TSPEAR: variants seen among roughly 807,000 people sequenced by gnomAD.
The protein encoded by TSPEAR is thrombospondin type laminin G domain and EAR repeats.
A neutral mutation model predicts 71.6 loss-of-function variants in TSPEAR; 69 were observed. That is an observed-to-expected ratio of 0.96 (90% CI 0.79 to 1.18). The LOEUF is 1.18. Ranked by LOEUF, TSPEAR falls within the 50% of genes most tolerant of loss-of-function variation. TSPEAR has a pLI of 0.00. For missense variants in TSPEAR, 971 were observed against 894.9 expected (o/e 1.09, Z -1.09); for synonymous variants, 402 against 387.2 (o/e 1.04, Z -0.45).
In TSPEAR at chr21:44,558,395, T is replaced by G. The variant is rs587713314; in HGVS notation, c.303+9390A>C. ...TGCAGCAGACGGGCACACAGCAGAC[T>G]GGCTTGCAGCAGACAGGCACGCAGC... On this transcript the variant is annotated intron_variant, in intron 2 of 11. Coordinates refer to ENST00000323084, the MANE Select transcript of TSPEAR (RefSeq NM_144991.3). 3.8e-5 allele frequency: 61 copies of G among 1,610,680 alleles called. No individual in the cohort carries two copies. In the East Asian group the frequency reaches 1.3e-3, roughly 35 times the overall value.
chr21:44,698,196 C>T (rs1395687231), intron 1 of TSPEAR, among the ~76,000 whole-genome samples: 4 of 152,158 alleles, frequency 2.6e-5, no homozygotes, highest in Non-Finnish European at 4.4e-5. Flanking sequence ...GGTCTCGCCT[C>T]CTTGGAAGCT....
At chr21:44,597,432 C>CTTTCTT (rs1980437877) in intron 1 of TSPEAR, among the ~76,000 whole-genome samples, 2 of 130,624 alleles carry the variant, frequency 1.5e-5, no homozygotes, top group African/African-American at 6.5e-5. Context: ...TTCTTTCTTT[C>CTTTCTT]TTTTCTTTTT....
chr21:44,571,257 C>T (rs868951264), intron 1 of TSPEAR, among the ~76,000 whole-genome samples: 8 of 152,284 alleles, frequency 5.3e-5, no homozygotes, highest in Middle Eastern at 6.8e-3. Context: ...GCTATGTTGC[C>T]CAGGCTGATC....
chr21:44,637,880 G>T (rs587625812), intron 1 of TSPEAR: 4 of 1,528,328 alleles, frequency 2.6e-6, no homozygotes, highest in Non-Finnish European at 3.6e-6. Flanking sequence ...CTCTAAGTCC[G>T]TCTGCTATGT....
chr21:44,554,653 G>A (rs782575506), intron 2 of TSPEAR, among the ~76,000 whole-genome samples: 7 of 152,212 alleles, frequency 4.6e-5, no homozygotes, highest in African/African-American at 1.2e-4. Flanking sequence ...GTGAGAGGCC[G>A]CTAACCACAC....
At chr21:44,668,507 C>T (rs1459280663) in intron 1 of TSPEAR, among the ~76,000 whole-genome samples, 6 of 152,186 alleles carry the variant, frequency 3.9e-5, no homozygotes, top group Non-Finnish European at 8.8e-5. Context: ...CTGTCAAAAT[C>T]CCAAGGACAT....
At chr21:44,700,093 G>A (rs1337423042) in intron 1 of TSPEAR, among the ~76,000 whole-genome samples, 2 of 152,218 alleles carry the variant, frequency 1.3e-5, no homozygotes, top group Non-Finnish European at 2.9e-5. Flanking sequence ...CCCGTGCTTT[G>A]AGAGTGCCCC....
intron 1 of TSPEAR, among the ~76,000 whole-genome samples, chr21:44,662,760 G>A (rs1351371538): frequency 6.6e-6 from 1 of 152,152 alleles, no homozygotes; most frequent in Non-Finnish European, 1.5e-5. Context: ...CTAATACAAT[G>A]TATGTTCTCT....
At chr21:44,673,562 TCAA>T (rs1555946372) in intron 1 of TSPEAR, among the ~76,000 whole-genome samples, 1 of 151,762 alleles carries the variant, frequency 6.6e-6, no homozygotes, top group Admixed American at 6.6e-5. Context: ...AGACAGAAAA[TCAA>T]CAACAACAAA....
chr21:44,670,467 T>A (rs782398294), intron 1 of TSPEAR, among the ~76,000 whole-genome samples: 15 of 152,086 alleles, frequency 9.9e-5, no homozygotes, highest in Non-Finnish European at 1.6e-4. Flanking sequence ...AGGAAATATC[T>A]GAGGCACAGA....
chr21:44,702,528 C>T (rs1387016768), intron 1 of TSPEAR: 23 of 1,608,148 alleles, frequency 1.4e-5, no homozygotes, highest in Non-Finnish European at 4.3e-6. Flanking sequence ...TGCCTGTCTG[C>T]TCTGGGGCTT....
In TSPEAR at chr21:44,531,035, A is replaced by G. The variant is rs1555915686; in HGVS notation, c.633+8T>C. On this transcript the variant is annotated splice_region_variant and intron_variant, in intron 4 of 11. Transcript: ENST00000323084. ...CGGGTGTTGGGAAGGCAGCCCCTCC[A>G]TACTCGCCATGAACAGGCCTTTGGC... The G allele has an allele frequency of 6.2e-7, 1 of 1,612,314 alleles. No individual in the cohort carries two copies. Among genetic ancestry groups the G allele is most frequent in the African/African-American group, 1.3e-5 (1 of 74,898 alleles).
chr21:44,580,056 G>C (rs1555924749), intron 1 of TSPEAR: 3 of 1,594,694 alleles, frequency 1.9e-6, no homozygotes, highest in Non-Finnish European at 2.6e-6. Flanking sequence ...CAACAGACAG[G>C]CACGTAGCAG....
chr21:44,590,673 A>G (rs996492784), intron 1 of TSPEAR, among the ~76,000 whole-genome samples: 3 of 152,064 alleles, frequency 2.0e-5, no homozygotes, highest in East Asian at 3.9e-4. Context: ...GGGTAACAGG[A>G]GGGGTGAGGC....
At chr21:44,670,539 C>T (rs1330067044) in intron 1 of TSPEAR, among the ~76,000 whole-genome samples, 2 of 152,194 alleles carry the variant, frequency 1.3e-5, no homozygotes, top group African/African-American at 4.8e-5. Context: ...AGAGACTCCC[C>T]AGTCCAGGGA....
At chr21:44,637,471 G>A (rs1555937017) in intron 1 of TSPEAR, 2 of 1,613,234 alleles carry the variant, frequency 1.2e-6, no homozygotes, top group African/African-American at 2.7e-5. Context: ...ACTCTTGGCG[G>A]GTAGTCGACT....
rs1555951011 is a variant in TSPEAR, at chr21:44,697,931, G to C, written c.82+13502C>G. 3 of 1,610,796 alleles carry C rather than the reference G, an allele frequency of 1.9e-6. No individual in the cohort carries two copies. In the East Asian group the frequency reaches 6.7e-5, roughly 36 times the overall value. On this transcript the variant is annotated intron_variant, in intron 1 of 11. Coordinates refer to ENST00000323084, the MANE Select transcript of TSPEAR (RefSeq NM_144991.3). ...CTGCCGCCCCACATGTTCCCGCCTG[G>C]CCTGCTGAGGCCTCTGCTCAGGCCA... is the stretch of plus-strand genomic sequence containing the variant.
intron 1 of TSPEAR, chr21:44,574,537 G>T (rs371775343): frequency 6.2e-7 from 1 of 1,609,402 alleles, no homozygotes; most frequent in Non-Finnish European, 8.5e-7. Flanking sequence ...CAGCCGGCTT[G>T]CTGCACCTCC....
Position 44,698,035 on chromosome 21 carries a change from T to A in TSPEAR, c.82+13398A>T, listed in dbSNP as rs557368098. ...CCCCACCTCTCCCACTACTGGCCCCTCGGCTGCTCTGGTGTCTGTCTCTTC... is the reference window on the plus strand; with the variant it reads ...CCCCACCTCTCCCACTACTGGCCCCACGGCTGCTCTGGTGTCTGTCTCTTC... On this transcript the variant is annotated intron_variant, in intron 1 of 11. Coordinates refer to ENST00000323084, the MANE Select transcript of TSPEAR (RefSeq NM_144991.3). 254 of 1,440,346 alleles carry A rather than the reference T, an allele frequency of 1.8e-4. 1 individual carries two copies. The highest frequency in any genetic ancestry group is 1.6e-3 in the Middle Eastern group (7 of 4,262). The allele number at this position is 1,440,346 out of a possible 1,614,324, so 89.2% of individuals were successfully genotyped here.
Sources: allele counts gnomAD v4.1 joint callset (sites outside exome capture counted in the v4.1 genomes callset), GRCh38; gene constraint gnomAD v4.1.1; transcripts MANE v1.5; gene names NCBI Gene and HGNC (gene_info 2026-07-23, HGNC 2026-07-21).